The following RNF144A variants were observed in gnomAD, a reference collection of about 807,000 sequenced individuals.
RNF144A encodes the protein ring finger protein 144A.
In RNF144A, 11 loss-of-function variants were observed where a neutral mutation model predicts 38.7. The observed-to-expected ratio is 0.28, with a 90% CI of 0.18 to 0.47. The LOEUF is 0.47. Ranked by LOEUF, RNF144A falls within the 20% of genes least tolerant of loss-of-function variation. The probability of loss-of-function intolerance (pLI) is 0.99; values close to 1 mark genes in which losing one functional copy is unlikely to be tolerated. For synonymous variants in RNF144A, 149 were observed against 143.9 expected (o/e 1.04, Z -0.25); for missense variants, 316 against 377.2 (o/e 0.84, Z 1.34).
chr2:7,045,448 C>G (rs889886320), downstream of RNF144A, among the ~76,000 whole-genome samples: 4 of 152,158 alleles, frequency 2.6e-5, no homozygotes, highest in Non-Finnish European at 4.4e-5. Context: ...CTGCAACTTC[C>G]TGGTACTGCT....
Position 7,040,264 on chromosome 2 carries a change from A to C in RNF144A, c.*504A>C, listed in dbSNP as rs1672966197. 2.0e-6 allele frequency: 2 copies of C among 985,466 alleles called. No individual in the cohort carries two copies. Among genetic ancestry groups the C allele is most frequent in the South Asian group, 4.7e-5 (1 of 21,294 alleles). The allele number at this position is 985,466 out of a possible 1,614,324, so 61.0% of individuals were successfully genotyped here. A position where few individuals can be genotyped will look rare whatever the true frequency, so the allele number is the denominator to read the frequency against. Reference sequence around the variant, plus strand: ...CTTTTTAGAAGGTATTTTTTTTCCAACTGAGTAGTGAAAATCAACAAGGTG... The same window carrying C: ...CTTTTTAGAAGGTATTTTTTTTCCACCTGAGTAGTGAAAATCAACAAGGTG... On this transcript the variant is annotated 3_prime_UTR_variant, in exon 9 of 9. Coordinates refer to ENST00000320892, the MANE Select transcript of RNF144A (RefSeq NM_014746.6).
At chr2:7,002,636 A>C (rs1436719168) in intron 3 of RNF144A, among the ~76,000 whole-genome samples, 1 of 152,188 alleles carries the variant, frequency 6.6e-6, no homozygotes, top group Admixed American at 6.5e-5. Flanking sequence ...CCTCATCACC[A>C]TGTTTTGCTA....
At chr2:7,033,466 C>T (rs1672458355) in intron 8 of RNF144A, among the ~76,000 whole-genome samples, 2 of 152,356 alleles carry the variant, frequency 1.3e-5, no homozygotes, top group Admixed American at 1.3e-4. Flanking sequence ...ATCTTCCCTG[C>T]TCCTCCAGGC....
intron 2 of RNF144A, among the ~76,000 whole-genome samples, chr2:6,949,391 C>T (rs1168265838): frequency 6.6e-6 from 1 of 150,970 alleles, no homozygotes; most frequent in Non-Finnish European, 1.5e-5. Context: ...CTCCCCTCCC[C>T]TCCCCTTCCT....
At position 7,007,571 on chromosome 2, in the gene RNF144A, A is replaced by G. The variant is rs374188480; in HGVS notation, c.136-6883A>G. On this transcript the variant is annotated intron_variant, in intron 3 of 8. Coordinates refer to ENST00000320892, the MANE Select transcript of RNF144A (RefSeq NM_014746.6). ...CTGCCTCAGCTTTTAACCACCCTCAACATAGTACACTTGCCAAGCCACAAT... is the reference window on the plus strand; with the variant it reads ...CTGCCTCAGCTTTTAACCACCCTCAGCATAGTACACTTGCCAAGCCACAAT... Among the ~76,000 whole-genome samples the G allele has an allele frequency of 2.0e-5, 3 of 152,014 alleles. No homozygotes were observed. The East Asian group carries it at 5.8e-4, about 29-fold the overall frequency.
At chr2:6,970,294 A>G (rs1036417269) in intron 2 of RNF144A, among the ~76,000 whole-genome samples, 1 of 152,196 alleles carries the variant, frequency 6.6e-6, no homozygotes, top group Admixed American at 6.5e-5. Context: ...AGTGGGTCTC[A>G]TGAGATCTGA....
rs757735507 is a variant in RNF144A, at chr2:7,040,382, CTT to C, written c.*624_*625del. ...GGAGATTTAGAAAGCCTTATGCACTCTTTGTGTTTTTCTTGAAACTTGCTGTA... is the reference window on the plus strand; with the variant it reads ...GGAGATTTAGAAAGCCTTATGCACTCTGTGTTTTTCTTGAAACTTGCTGTA... On this transcript the variant is annotated 3_prime_UTR_variant, in exon 9 of 9. Transcript: ENST00000320892. The C allele has an allele frequency of 8.1e-6, 8 of 985,240 alleles. No homozygotes were observed. Among genetic ancestry groups the C allele is most frequent in the African/African-American group, 3.5e-5 (2 of 57,218 alleles). The allele number at this position is 985,240 out of a possible 1,614,324, so 61.0% of individuals were successfully genotyped here.
chr2:6,933,348 C>A (rs1291976207), intron 1 of RNF144A: 3 of 152,142 alleles, frequency 2.0e-5, no homozygotes, highest in Non-Finnish European at 4.4e-5. Flanking sequence ...GGAAGAGCCT[C>A]TACTAACTTG....
At chr2:6,980,613 G>A (rs768950839) in intron 2 of RNF144A, among the ~76,000 whole-genome samples, 2 of 152,240 alleles carry the variant, frequency 1.3e-5, no homozygotes, top group Admixed American at 6.5e-5. Flanking sequence ...GCTCTGTAGG[G>A]TACAGCCGCT....
intron 1 of RNF144A, among the ~76,000 whole-genome samples, chr2:6,938,370 C>T (rs1665737806): frequency 6.6e-6 from 1 of 151,708 alleles, no homozygotes; most frequent in African/African-American, 2.4e-5. Context: ...GCCTCAGCCT[C>T]CCATGTAGCT....
rs140534687 is a variant in RNF144A, at chr2:6,980,653, G to A, written c.-11-16263G>A. Among the ~76,000 whole-genome samples the A allele has an allele frequency of 7.0e-3, 1,060 of 152,340 alleles. 14 individuals carry two copies. Among genetic ancestry groups the A allele is most frequent in the African/African-American group, 0.024 (1,013 of 41,590 alleles). On this transcript the variant is annotated intron_variant, in intron 2 of 8. Coordinates refer to ENST00000320892, the MANE Select transcript of RNF144A (RefSeq NM_014746.6). ...CTGCTTTCATAGGCTGGCATTGAGC[G>A]CCTGCAGCTTTTTCAGGTGCCCAGT... is the stretch of plus-strand genomic sequence containing the variant.
At chr2:6,985,690 T>C (rs114804603) in intron 2 of RNF144A, among the ~76,000 whole-genome samples, 1 of 152,334 alleles carries the variant, frequency 6.6e-6, no homozygotes, top group African/African-American at 2.4e-5. Flanking sequence ...CTTTTGTTCT[T>C]GAGACGGAGT....
At chr2:7,016,141 T>TA (rs1671124330) in intron 5 of RNF144A, among the ~76,000 whole-genome samples, 3 of 141,454 alleles carry the variant, frequency 2.1e-5, no homozygotes, top group Admixed American at 1.4e-4. Flanking sequence ...AAGAAAAAAA[T>TA]ATGTAGCCCA....
chr2:7,042,976 T>G lies in RNF144A; in HGVS notation c.*3216T>G, dbSNP rs2103466546. ...TCTGCCTCCCGGGTTCAAGCGATTC[T>G]CCTGCCTCAGCCTCCCAAGTAGCTG... On this transcript the variant is annotated 3_prime_UTR_variant, in exon 9 of 9. Transcript: ENST00000320892. The G allele has an allele frequency of 1.7e-6, 1 of 596,104 alleles. No individual in the cohort carries two copies. Among genetic ancestry groups the G allele is most frequent in the South Asian group, 7.5e-5 (1 of 13,402 alleles). 36.9% of individuals were successfully genotyped at this position (596,104 alleles called of 1,614,324 possible). A position where few individuals can be genotyped will look rare whatever the true frequency, so the allele number is the denominator to read the frequency against.
chr2:6,988,546 G>T (rs35505960), intron 2 of RNF144A, among the ~76,000 whole-genome samples: 36,852 of 152,164 alleles, frequency 0.24, 5,556 homozygotes, highest in Non-Finnish European at 0.34. Flanking sequence ...GTTTTGAGAG[G>T]AAGACCCTAG....
intron 3 of RNF144A, among the ~76,000 whole-genome samples, chr2:7,002,031 T>C (rs1262325319): frequency 6.6e-6 from 1 of 152,232 alleles, no homozygotes; most frequent in African/African-American, 2.4e-5. Flanking sequence ...TTTTTTCCTA[T>C]ATATTTGCAA....
intron 6 of RNF144A, among the ~76,000 whole-genome samples, chr2:7,050,668 C>T (rs771004238): frequency 2.0e-5 from 3 of 152,154 alleles, no homozygotes; most frequent in Admixed American, 2.0e-4. Flanking sequence ...AATTCTTCAC[C>T]GTTGCCTATA....
At chr2:7,009,499 A>C (rs1438441335) in intron 3 of RNF144A, among the ~76,000 whole-genome samples, 1 of 148,658 alleles carries the variant, frequency 6.7e-6, no homozygotes, top group Non-Finnish European at 1.5e-5. Flanking sequence ...TATAGATGGG[A>C]GCGTTTATTT....
chr2:6,973,857 C>G (rs139533053), intron 2 of RNF144A, among the ~76,000 whole-genome samples: 99 of 152,314 alleles, frequency 6.5e-4, no homozygotes, highest in African/African-American at 2.2e-3. Context: ...GCTTCGTGCT[C>G]CAGCATCAGA....
Sources: gnomAD v4.1 joint callset for allele counts (sites outside exome capture counted in the v4.1 genomes callset) on GRCh38, gnomAD v4.1.1 for gene constraint, MANE v1.5 for transcripts, NCBI Gene and HGNC (gene_info 2026-07-23, HGNC 2026-07-21) for gene names.